Variants in ADAMTS3 observed in about 807,000 individuals in gnomAD.
ADAMTS3 encodes the protein ADAM metallopeptidase with thrombospondin type 1 motif 3, also known as A disintegrin and metalloproteinase with thrombospondin motifs 3.
ADAMTS3 carries 73 observed loss-of-function variants against 129.0 expected under a neutral mutation model. That is an observed-to-expected ratio of 0.57 (90% CI 0.47 to 0.69). The LOEUF (loss-of-function observed/expected upper bound fraction) is 0.69, where lower values mean the gene tolerates loss of function less well. ADAMTS3 is among the 30% of genes least tolerant of loss of function. The pLI is 0.00. For synonymous variants in ADAMTS3, 477 were observed against 510.8 expected, an observed-to-expected ratio of 0.93 and a Z score of 0.89; for missense variants, 1,457 against 1,514.5, an observed-to-expected ratio of 0.96 and a Z score of 0.63.
chr4:72,319,707 C>G, intron 8 of ADAMTS3, 151 bp downstream of exon 8: 3 of 776,734 alleles, frequency 3.9e-6, no homozygotes, highest in Non-Finnish European at 6.3e-6. Context: ...AGTTTCCGTG[C>G]ATGACCTCTT....
chr4:72,450,357 G>C (rs988685752), intron 3 of ADAMTS3, among the ~76,000 whole-genome samples: 1 of 151,688 alleles, frequency 6.6e-6, no homozygotes, highest in African/African-American at 2.4e-5. Flanking sequence ...CACCATGGAA[G>C]AGCATGCAAG....
At chr4:72,394,487 C>G (rs114324203) in intron 4 of ADAMTS3, among the ~76,000 whole-genome samples, 2 of 152,112 alleles carry the variant, frequency 1.3e-5, no homozygotes, top group African/African-American at 4.8e-5. Flanking sequence ...CTGTCTCTTG[C>G]GTGAATTCTG....
chr4:72,384,893 G>A (rs1028067052), intron 4 of ADAMTS3, among the ~76,000 whole-genome samples: 6 of 152,182 alleles, frequency 3.9e-5, no homozygotes, highest in African/African-American at 9.7e-5. Flanking sequence ...CTGGGGCCGG[G>A]TGTGGTGGCT....
chr4:72,546,835 G>A (rs1181637014), intron 3 of ADAMTS3, among the ~76,000 whole-genome samples: 2 of 152,130 alleles, frequency 1.3e-5, no homozygotes, highest in Non-Finnish European at 2.9e-5. Context: ...TCATCCAGAA[G>A]TGTCTTCCCA....
chr4:72,521,939 G>C (rs1478247729), intron 3 of ADAMTS3, among the ~76,000 whole-genome samples: 1 of 152,128 alleles, frequency 6.6e-6, no homozygotes, highest in South Asian at 2.1e-4. Flanking sequence ...AGAATATCTA[G>C]ATTTCTAATT....
chr4:72,407,029 A>C (rs1359162532), intron 4 of ADAMTS3, among the ~76,000 whole-genome samples: 1 of 152,150 alleles, frequency 6.6e-6, no homozygotes, highest in African/African-American at 2.4e-5. Flanking sequence ...TGGGTCACCA[A>C]AGAGAAAGGG....
intron 5 of ADAMTS3, among the ~76,000 whole-genome samples, chr4:72,329,969 CTG>C: frequency 6.6e-6 from 1 of 152,178 alleles, no homozygotes; most frequent in South Asian, 2.1e-4. Flanking sequence ...CTCTTCACTG[CTG>C]TTGCTTCAAC....
chr4:72,539,315 A>C (rs1194638429), intron 3 of ADAMTS3, among the ~76,000 whole-genome samples: 3 of 152,014 alleles, frequency 2.0e-5, no homozygotes, highest in Admixed American at 6.6e-5. Context: ...AACAAAAAAC[A>C]ACCACCAGAT....
At chr4:72,474,822 C>A (rs1248656190) in intron 3 of ADAMTS3, among the ~76,000 whole-genome samples, 1 of 151,618 alleles carries the variant, frequency 6.6e-6, no homozygotes, top group Non-Finnish European at 1.5e-5. Flanking sequence ...GTCAGGAGAT[C>A]GAGACCATCC....
At chr4:72,476,328 T>C (rs1257148463) in intron 3 of ADAMTS3, among the ~76,000 whole-genome samples, 3 of 152,022 alleles carry the variant, frequency 2.0e-5, no homozygotes, top group South Asian at 2.1e-4. Context: ...AATGATAGAA[T>C]GCAATGAAAA....
At chr4:72,531,466 G>A (rs1721038945) in intron 3 of ADAMTS3, among the ~76,000 whole-genome samples, 1 of 152,122 alleles carries the variant, frequency 6.6e-6, no homozygotes, top group Non-Finnish European at 1.5e-5. Context: ...AATCATCACT[G>A]GGTATTTGAA....
At chr4:72,312,104 A>C in intron 13 of ADAMTS3, 187 bp downstream of exon 13, 1 of 598,424 alleles carries the variant, frequency 1.7e-6, no homozygotes, top group South Asian at 2.3e-5. Context: ...CTATTGCACC[A>C]TTCTTACCTC....
chr4:72,551,853 T>G (rs746601536), intron 2 of ADAMTS3, among the ~76,000 whole-genome samples: 6 of 152,292 alleles, frequency 3.9e-5, no homozygotes, highest in South Asian at 2.1e-4. Flanking sequence ...ATGGAGCATC[T>G]TGCTGTCAAA....
chr4:72,290,707 A>T, intron 20 of ADAMTS3, 148 bp downstream of exon 20: 1 of 813,790 alleles, frequency 1.2e-6, no homozygotes, highest in South Asian at 1.7e-5. Flanking sequence ...TAAAGCATTA[A>T]TTTTTCCTAA....
At position 72,482,151 on chromosome 4, in the gene ADAMTS3, G is replaced by A. The variant is rs181519261; in HGVS notation, c.504+66327C>T. ...ATACAATCCAGAAATTTCACTCTAG[G>A]GCATTTTTACCAGAAAAACTAAGGG... On this transcript the variant is annotated intron_variant, in intron 3 of 21. Coordinates refer to ENST00000286657, the MANE Select transcript of ADAMTS3 (RefSeq NM_014243.3). Among the ~76,000 whole-genome samples, 10 of 151,658 alleles carry A rather than the reference G, an allele frequency of 6.6e-5. No homozygotes were observed. The East Asian group carries it at 1.6e-3, about 24-fold the overall frequency.
intron 20 of ADAMTS3, among the ~76,000 whole-genome samples, chr4:72,290,527 T>G (rs1400196152): frequency 4.6e-5 from 7 of 152,282 alleles, no homozygotes; most frequent in African/African-American, 1.4e-4. Flanking sequence ...GAGGAGTTAG[T>G]GCAGTGCCAA....
intron 4 of ADAMTS3, among the ~76,000 whole-genome samples, chr4:72,384,902 C>T (rs529137336): frequency 6.6e-6 from 1 of 152,260 alleles, no homozygotes; most frequent in African/African-American, 2.4e-5. Context: ...GGTGTGGTGG[C>T]TCACGCCTGT....
intron 21 of ADAMTS3, 117 bp from the exon 22 acceptor site, chr4:72,283,821 G>A (rs1323126915): frequency 2.3e-5 from 18 of 792,480 alleles, no homozygotes; most frequent in East Asian, 1.7e-4. Flanking sequence ...TGACACTAAC[G>A]GGAGTGATCC....
chr4:72,501,263 T>C (rs897171102), intron 3 of ADAMTS3, among the ~76,000 whole-genome samples: 6 of 152,114 alleles, frequency 3.9e-5, no homozygotes, highest in African/African-American at 1.2e-4. Context: ...TTTTTTTCAG[T>C]TTATTTGTGT....
Sources: gnomAD v4.1 joint callset for allele counts (sites outside exome capture counted in the v4.1 genomes callset) on GRCh38, gnomAD v4.1.1 for gene constraint, MANE v1.5 for transcripts, NCBI Gene and HGNC (gene_info 2026-07-23, HGNC 2026-07-21) for gene names.